Variants in SLC43A2 observed in about 807,000 individuals in gnomAD.
The protein encoded by SLC43A2 is solute carrier family 43 member 2, also known as large neutral amino acids transporter small subunit 4.
In SLC43A2, 38 loss-of-function variants were observed where a neutral mutation model predicts 63.2. That is an observed-to-expected ratio of 0.60 (90% CI 0.46 to 0.79). The LOEUF is 0.79. SLC43A2 is among the 30% of genes least tolerant of loss of function. The pLI is 0.00. For missense variants in SLC43A2, 644 were observed against 756.2 expected, an observed-to-expected ratio of 0.85 and a Z score of 1.74; for synonymous variants, 322 against 331.0, an observed-to-expected ratio of 0.97 and a Z score of 0.30.
In SLC43A2 at chr17:1,575,424, G is replaced by A. The variant is rs2075907820; in HGVS notation, c.*180C>T. ...GCGTTCGGCAGGAGAAAACGCGCGT[G>A]TCCGGGGCCCTCTCCCGTCCTTCCA... On this transcript the variant is annotated 3_prime_UTR_variant, in exon 14 of 14. Coordinates refer to ENST00000301335, the MANE Select transcript of SLC43A2 (RefSeq NM_152346.3). 5.1e-6 allele frequency: 4 copies of A among 783,328 alleles called. No homozygotes were observed. The highest frequency in any genetic ancestry group is 2.7e-5 in the Admixed American group (1 of 36,764). 48.5% of individuals were successfully genotyped at this position (783,328 alleles called of 1,614,324 possible).
At chr17:1,584,710 C>CAGG (rs1272979537) in intron 10 of SLC43A2, among the ~76,000 whole-genome samples, 1 of 151,636 alleles carries the variant, frequency 6.6e-6, no homozygotes, top group Non-Finnish European at 1.5e-5. Context: ...GTCCCAGATA[C>CAGG]TTGGAAGCCT....
chr17:1,578,505 CAT>C lies in SLC43A2; in HGVS notation c.1351-184_1351-183del. 1 of 543,262 alleles carries C rather than the reference CAT, an allele frequency of 1.8e-6. No individual in the cohort carries two copies. The highest frequency in any genetic ancestry group is 3.3e-6 in the Non-Finnish European group (1 of 304,398). 33.7% of individuals were successfully genotyped at this position (543,262 alleles called of 1,614,324 possible). On this transcript the variant is annotated intron_variant, in intron 11 of 13. Coordinates refer to ENST00000301335, the MANE Select transcript of SLC43A2 (RefSeq NM_152346.3). This position sits in a 1 kb window ranked among gnomAD's most constrained non-coding sequence, Gnocchi z 6.5. Reference sequence around the variant, plus strand: ...TTTGCAAGCCAGTCGTTAACACAGTCATTTTTTGTTTGTTTGTTTGTTTTGTT... The same window carrying C: ...TTTGCAAGCCAGTCGTTAACACAGTCTTTTTGTTTGTTTGTTTGTTTTGTT...
rs567068849 is a variant in SLC43A2 at position 1,614,522 on chromosome 17, G to T, written c.424+457C>A. 7.2e-5 allele frequency among the ~76,000 whole-genome samples: 11 copies of T among 152,328 alleles called. No individual in the cohort carries two copies. The South Asian group carries it at 2.3e-3, about 32-fold the overall frequency. ...AAAATCAGTAGATGAGCCTGGCTAA[G>T]ATTTTGGTGAAACTCGAGTCCTCTT... On this transcript the variant is annotated intron_variant, in intron 4 of 13. Coordinates refer to ENST00000301335, the MANE Select transcript of SLC43A2 (RefSeq NM_152346.3).
Position 1,583,641 on chromosome 17 carries a change from T to C in SLC43A2, c.1218-305A>G. Reference sequence around the variant, plus strand: ...GGGGAGAGAAGTAGCAGCGTGTGCCTGAGCTGGCACATGGCAAAGCCTCAC... The same window carrying C: ...GGGGAGAGAAGTAGCAGCGTGTGCCCGAGCTGGCACATGGCAAAGCCTCAC... On this transcript the variant is annotated intron_variant, in intron 10 of 13. Coordinates refer to ENST00000301335, the MANE Select transcript of SLC43A2 (RefSeq NM_152346.3). This position sits in a 1 kb window ranked among gnomAD's most constrained non-coding sequence, Gnocchi z 5.5. The C allele has an allele frequency of 6.5e-6, 2 of 307,222 alleles. No individual in the cohort carries two copies. The highest frequency in any genetic ancestry group is 1.2e-5 in the Non-Finnish European group (2 of 162,812). The allele number at this position is 307,222 out of a possible 1,614,324, so 19.0% of individuals were successfully genotyped here. A position where few individuals can be genotyped will look rare whatever the true frequency, so the allele number is the denominator to read the frequency against.
rs1907695826 is a variant in SLC43A2 at position 1,616,651 on chromosome 17, A to C, written c.279T>G (p.Thr93=). Residue 93 remains threonine (T), a synonymous_variant, in exon 3 of 14, where the codon ACT becomes ACG. Coordinates refer to ENST00000301335, the MANE Select transcript of SLC43A2 (RefSeq NM_152346.3). ...TGGCACTGAGCAGAAAGGAGCCCAC[A>C]GTGAAGGCCAAATTTAGCATCTCGT... ...AQDEMLNLAF[T]VGSFLLSAIT... 1 of 1,614,188 alleles carries C rather than the reference A, an allele frequency of 6.2e-7. No homozygotes were observed. The highest frequency in any genetic ancestry group is 1.3e-5 in the African/African-American group (1 of 75,048).
chr17:1,588,285 C>G (rs542479273), intron 9 of SLC43A2, among the ~76,000 whole-genome samples: 74 of 152,160 alleles, frequency 4.9e-4, no homozygotes, highest in African/African-American at 1.8e-3. Flanking sequence ...ACTTGGGAGG[C>G]TGAGGCAGAA....
chr17:1,620,926 G>A (rs1342686536), intron 2 of SLC43A2, among the ~76,000 whole-genome samples: 1 of 152,114 alleles, frequency 6.6e-6, no homozygotes, highest in Non-Finnish European at 1.5e-5. Flanking sequence ...GGGCCAGCCT[G>A]CTCTGCTCAC....
Position 1,573,263 on chromosome 17 carries a change from G to C in SLC43A2, c.*2341C>G, listed in dbSNP as rs1448523554. 6.6e-6 allele frequency: 1 copy of C among 151,508 alleles called. No individual in the cohort carries two copies. The highest frequency in any genetic ancestry group is 2.4e-5 in the African/African-American group (1 of 41,120). 9.4% of individuals were successfully genotyped at this position (151,508 alleles called of 1,614,324 possible). On this transcript the variant is annotated 3_prime_UTR_variant, in exon 14 of 14. Coordinates refer to ENST00000301335, the MANE Select transcript of SLC43A2 (RefSeq NM_152346.3). ...GGGTTTCTCCGAATCTGCAACTCCT[G>C]TGTGATGGCGGGTCTCAAATGCTGG...
intron 2 of SLC43A2, among the ~76,000 whole-genome samples, chr17:1,621,272 G>T (rs1027205607): frequency 1.3e-5 from 2 of 152,176 alleles, no homozygotes; most frequent in African/African-American, 4.8e-5. Context: ...AGGGAGGGGG[G>T]CCTCCAAGAT....
chr17:1,619,604 C>G (rs1444620029), intron 2 of SLC43A2, among the ~76,000 whole-genome samples: 1 of 152,234 alleles, frequency 6.6e-6, no homozygotes, highest in African/African-American at 2.4e-5. Context: ...CCGCCACAGC[C>G]GACAGGCCTG....
At chr17:1,582,947 T>C (rs932531826) in intron 11 of SLC43A2, among the ~76,000 whole-genome samples, 4 of 152,032 alleles carry the variant, frequency 2.6e-5, no homozygotes, top group Admixed American at 1.3e-4. Context: ...GGCGTGATGG[T>C]GCGCACCTGT....
chr17:1,589,854 C>A (rs925651559), intron 9 of SLC43A2, among the ~76,000 whole-genome samples: 2 of 152,174 alleles, frequency 1.3e-5, no homozygotes, highest in Non-Finnish European at 2.9e-5. Context: ...CTCCTGACCT[C>A]ATGATCCACC....
At chr17:1,576,049 T>TG (rs550815892) in intron 13 of SLC43A2, among the ~76,000 whole-genome samples, 197 of 139,244 alleles carry the variant, frequency 1.4e-3, no homozygotes, top group African/African-American at 4.9e-3. Context: ...CCCTCGGAGG[T>TG]GGGGCGGGGA....
rs1331439674 is a variant in SLC43A2, at chr17:1,575,748, G to A, written c.1566C>T (p.Leu522=). ...GGCAGAAGCCCAGCAGGCTGAGAAGGAGCAGCCCCACGTTCACCTGGGGAG... is the reference window on the plus strand; with the variant it reads ...GGCAGAAGCCCAGCAGGCTGAGAAGAAGCAGCCCCACGTTCACCTGGGGAG... ...GDPLWVNVGL[L]LLSLLGFCLP... The change falls in exon 14 of 14, where the codon CTC becomes CTT. Residue 522 remains leucine, a synonymous_variant. Transcript: ENST00000301335. 3 of 1,612,380 alleles carry A rather than the reference G, an allele frequency of 1.9e-6. No individual in the cohort carries two copies. Among genetic ancestry groups the A allele is most frequent in the Non-Finnish European group, 2.5e-6 (3 of 1,179,580 alleles).
chr17:1,591,134 C>A (rs1228741207), intron 8 of SLC43A2, 135 bp downstream of exon 8: 1 of 1,308,250 alleles, frequency 7.6e-7, no homozygotes, highest in Non-Finnish European at 1.0e-6. Context: ...TTCCCTCCCC[C>A]AGGCCTTCCT....
chr17:1,622,443 C>T (rs527982671), intron 2 of SLC43A2, among the ~76,000 whole-genome samples: 34 of 151,954 alleles, frequency 2.2e-4, no homozygotes, highest in Admixed American at 9.8e-4. Flanking sequence ...CGGGCGCCTG[C>T]AGTCCCAGCT....
chr17:1,584,183 G>T (rs532185317), intron 10 of SLC43A2, among the ~76,000 whole-genome samples: 1 of 151,998 alleles, frequency 6.6e-6, no homozygotes, highest in African/African-American at 2.4e-5. Context: ...GTGAGCCACC[G>T]CGCCCGGCCA....
intron 5 of SLC43A2, among the ~76,000 whole-genome samples, chr17:1,610,812 G>A (rs574559436): frequency 2.7e-5 from 4 of 150,344 alleles, no homozygotes; most frequent in Non-Finnish European, 3.0e-5. Flanking sequence ...AGCTCCAACC[G>A]CAGGGTCCCT....
At chr17:1,588,950 G>T (rs888889776) in intron 9 of SLC43A2, among the ~76,000 whole-genome samples, 1 of 152,190 alleles carries the variant, frequency 6.6e-6, no homozygotes, top group Non-Finnish European at 1.5e-5. Context: ...TCAGCAGCAC[G>T]GCACACCCCC....
Sources: allele counts gnomAD v4.1 joint callset (sites outside exome capture counted in the v4.1 genomes callset), GRCh38; gene constraint gnomAD v4.1.1; non-coding constraint Gnocchi (gnomAD v3.1); transcripts MANE v1.5; gene names NCBI Gene and HGNC (gene_info 2026-07-23, HGNC 2026-07-21).